Variants in BNC2 observed in about 807,000 individuals in gnomAD.
The protein encoded by BNC2 is zinc finger protein basonuclin-2.
BNC2 carries 20 observed loss-of-function variants against 76.3 expected under a neutral mutation model. The observed-to-expected ratio is 0.26, with a 90% CI of 0.18 to 0.38. The LOEUF (loss-of-function observed/expected upper bound fraction) is 0.38, where lower values mean the gene tolerates loss of function less well. Ranked by LOEUF, BNC2 falls within the 10% of genes least tolerant of loss-of-function variation. The pLI, the probability that BNC2 is intolerant of heterozygous loss-of-function variation, is 1.00. For missense variants in BNC2, 1,382 were observed against 1,399.8 expected, an observed-to-expected ratio of 0.99 and a Z score of 0.20; for synonymous variants, 582 against 514.8, an observed-to-expected ratio of 1.13 and a Z score of -1.77.
At chr9:16,751,169 G>A (rs775063644) in intron 1 of BNC2, among the ~76,000 whole-genome samples, 1 of 148,438 alleles carries the variant, frequency 6.7e-6, no homozygotes, top group East Asian at 1.9e-4. Context: ...CATCACTGAA[G>A]TCTAAAAAAA....
intron 3 of BNC2, among the ~76,000 whole-genome samples, chr9:16,718,025 G>C (rs189807703): frequency 2.0e-5 from 3 of 152,296 alleles, no homozygotes; most frequent in Non-Finnish European, 4.4e-5. Context: ...AGAAAACCTG[G>C]AATATATTAT....
chr9:16,865,657 C>T (rs1377744924), intron 1 of BNC2, among the ~76,000 whole-genome samples: 1 of 151,970 alleles, frequency 6.6e-6, no homozygotes, highest in African/African-American at 2.4e-5. Context: ...GAAAAATACT[C>T]TAGAATGTCA....
At chr9:16,839,160 A>C (rs1378172545) in intron 1 of BNC2, among the ~76,000 whole-genome samples, 1 of 152,254 alleles carries the variant, frequency 6.6e-6, no homozygotes, top group Non-Finnish European at 1.5e-5. Flanking sequence ...AAGACACTAG[A>C]AACTTAAGGA....
intron 1 of BNC2, among the ~76,000 whole-genome samples, chr9:16,829,924 C>A (rs990767268): frequency 6.6e-6 from 1 of 152,218 alleles, no homozygotes; most frequent in Non-Finnish European, 1.5e-5. Context: ...AAACCACCTA[C>A]TTGTGCATGA....
intron 3 of BNC2, among the ~76,000 whole-genome samples, chr9:16,718,443 G>C (rs1824053787): frequency 6.6e-6 from 1 of 152,184 alleles, no homozygotes; most frequent in South Asian, 2.1e-4. Flanking sequence ...GCTCCATTCA[G>C]TCCCATGATT....
Position 16,562,781 on chromosome 9 carries a change from G to A in BNC2, c.434-10016C>T, listed in dbSNP as rs543088064. On this transcript the variant is annotated intron_variant, in intron 4 of 6. Transcript: ENST00000380672. ...TTCCTAAAGTCCAACACTAAATTGT[G>A]TGATACACATGGAACCGTATTTATC... Among the ~76,000 whole-genome samples the A allele has an allele frequency of 5.3e-5, 8 of 152,226 alleles. 1 individual carries two copies. Among genetic ancestry groups the A allele is most frequent in the African/African-American group, 1.9e-4 (8 of 41,550 alleles).
intron 4 of BNC2, among the ~76,000 whole-genome samples, chr9:16,565,425 C>T (rs1819139452): frequency 3.3e-5 from 5 of 152,186 alleles, no homozygotes; most frequent in Admixed American, 1.3e-4. Context: ...TATTTCCTGT[C>T]CCATGCTAAG....
rs543779314 is a variant in BNC2, at chr9:16,592,281, C to T, written c.331-9196G>A. 1.1e-4 allele frequency among the ~76,000 whole-genome samples: 16 copies of T among 152,146 alleles called. No homozygotes were observed. The East Asian group carries it at 2.7e-3, about 26-fold the overall frequency. On this transcript the variant is annotated intron_variant, in intron 3 of 6. Transcript: ENST00000380672. ...AGATTTAAAACTTCATTTTATAAAA[C>T]GCTATCCCTCCATCCACTGACAAAT...
At position 16,553,249 on chromosome 9, in the gene BNC2, A is replaced by C. The variant is rs544092588; in HGVS notation, c.434-484T>G. ...ACCCCTTATAATACCTGAATGGTTA[A>C]AGAGGAGGAAGAGAGTGTTCTTTAG... On this transcript the variant is annotated intron_variant, in intron 4 of 6. Transcript: ENST00000380672. Among the ~76,000 whole-genome samples the C allele has an allele frequency of 3.9e-5, 6 of 152,328 alleles. No individual in the cohort carries two copies. The East Asian group carries it at 1.2e-3, about 29-fold the overall frequency.
intron 5 of BNC2, among the ~76,000 whole-genome samples, chr9:16,487,325 C>T (rs1049591686): frequency 3.3e-5 from 5 of 152,138 alleles, no homozygotes; most frequent in Admixed American, 3.3e-4. Context: ...GTGTTACTCT[C>T]GGGTCCTTAT....
At chr9:16,858,957 A>T (rs1412045442) in intron 1 of BNC2, among the ~76,000 whole-genome samples, 1 of 152,194 alleles carries the variant, frequency 6.6e-6, no homozygotes, top group Non-Finnish European at 1.5e-5. Flanking sequence ...TGTAAATCAT[A>T]TTTCTGATAA....
At chr9:16,866,074 G>A (rs1819536556) in intron 1 of BNC2, among the ~76,000 whole-genome samples, 1 of 152,120 alleles carries the variant, frequency 6.6e-6, no homozygotes, top group Non-Finnish European at 1.5e-5. Flanking sequence ...TGATAAATAT[G>A]TTTGTCTAAA....
chr9:16,845,565 C>CA (rs531634978), intron 1 of BNC2, among the ~76,000 whole-genome samples: 41 of 151,772 alleles, frequency 2.7e-4, no homozygotes, highest in Admixed American at 1.2e-3. Flanking sequence ...ACTAAAAATA[C>CA]AAAAAATTAG....
chr9:16,561,780 G>T (rs1819024361), intron 4 of BNC2, among the ~76,000 whole-genome samples: 1 of 152,102 alleles, frequency 6.6e-6, no homozygotes, highest in South Asian at 2.1e-4. Context: ...GAGCCAGGTG[G>T]ATTGTTTGAG....
At chr9:16,660,927 A>C (rs1822093598) in intron 3 of BNC2, among the ~76,000 whole-genome samples, 1 of 152,186 alleles carries the variant, frequency 6.6e-6, no homozygotes, top group Non-Finnish European at 1.5e-5. Context: ...GCCATTTATA[A>C]GGAACTAAAC....
chr9:16,598,568 G>A (rs574889346), intron 3 of BNC2, among the ~76,000 whole-genome samples: 1 of 152,190 alleles, frequency 6.6e-6, no homozygotes, highest in African/African-American at 2.4e-5. Context: ...ACGGGGAAGA[G>A]ACGTTTTGGA....
rs771138751 is a variant in BNC2, at chr9:16,435,547, T to C, written c.2639+8A>G. ...CCCAGCAGGAGCAGCCAATGGAGAT[T>C]TACTGACCTGTCTCGGCTTCGGCGA... is the stretch of plus-strand genomic sequence containing the variant. On this transcript the variant is annotated splice_region_variant and intron_variant, in intron 6 of 6. Coordinates refer to ENST00000380672, the MANE Select transcript of BNC2 (RefSeq NM_017637.6). The C allele has an allele frequency of 2.5e-6, 4 of 1,613,372 alleles. No homozygotes were observed. Among genetic ancestry groups the C allele is most frequent in the Non-Finnish European group, 3.4e-6 (4 of 1,179,954 alleles).
chr9:16,841,858 G>A (rs561103527), intron 1 of BNC2, among the ~76,000 whole-genome samples: 69 of 150,728 alleles, frequency 4.6e-4, no homozygotes, highest in Admixed American at 1.7e-3. Flanking sequence ...TGCCCAGGCT[G>A]GAGTGCAATG....
chr9:16,539,986 A>C (rs1818268782), intron 5 of BNC2, among the ~76,000 whole-genome samples: 1 of 152,074 alleles, frequency 6.6e-6, no homozygotes, highest in Non-Finnish European at 1.5e-5. Context: ...TTAAATTAGC[A>C]GTAATGAGTA....
Sources: gnomAD v4.1 joint callset for allele counts (sites outside exome capture counted in the v4.1 genomes callset) on GRCh38, gnomAD v4.1.1 for gene constraint, MANE v1.5 for transcripts, NCBI Gene and HGNC (gene_info 2026-07-23, HGNC 2026-07-21) for gene names.